NEMP2: variants seen among roughly 807,000 people sequenced by gnomAD.
NEMP2 encodes nuclear envelope integral membrane protein 2, also known as UPF0571 transmembrane protein.
In NEMP2, 53 loss-of-function variants were observed where a neutral mutation model predicts 54.2. The observed-to-expected ratio is 0.98, with a 90% CI of 0.78 to 1.23. NEMP2 has a LOEUF of 1.23. Ranked by LOEUF, NEMP2 falls within the 50% of genes most tolerant of loss-of-function variation. The probability of loss-of-function intolerance (pLI) is 0.00; values close to 1 mark genes in which losing one functional copy is unlikely to be tolerated. For missense variants in NEMP2, 455 were observed against 511.3 expected, an observed-to-expected ratio of 0.89 and a Z score of 1.06; for synonymous variants, 197 against 190.3, an observed-to-expected ratio of 1.04 and a Z score of -0.29.
At chr2:190,535,323 C>T (rs981529330), upstream of NEMP2, among the ~76,000 whole-genome samples, 2 of 152,162 alleles carry the variant, frequency 1.3e-5, no homozygotes, top group African/African-American at 4.8e-5. Context: ...TTTCAGAGTA[C>T]AGAGGGGCTC....
At chr2:190,443,203 G>A in the NEMP2 span, among the ~76,000 whole-genome samples, 1 of 152,134 alleles carries the variant, frequency 6.6e-6, no homozygotes, top group South Asian at 2.1e-4. The surrounding 1 kb of genome is among the most constrained non-coding windows in gnomAD (Gnocchi z 4.2). Flanking sequence ...AAAAATAAAA[G>A]GAACAGGACT....
the NEMP2 span, among the ~76,000 whole-genome samples, chr2:190,601,186 C>G: frequency 6.6e-6 from 1 of 152,108 alleles, no homozygotes; most frequent in Non-Finnish European, 1.5e-5. The surrounding 1 kb of genome is among the most constrained non-coding windows in gnomAD (Gnocchi z 5.8). Context: ...CATTTGGAGA[C>G]AGTCACATAT....
the NEMP2 span, among the ~76,000 whole-genome samples, chr2:190,593,600 A>G: frequency 1.3e-5 from 2 of 152,150 alleles, no homozygotes; most frequent in African/African-American, 4.8e-5. The surrounding 1 kb of genome is among the most constrained non-coding windows in gnomAD (Gnocchi z 4.5). Flanking sequence ...TCATTCCTTT[A>G]TAACCAAATG....
the NEMP2 span, chr2:190,465,082 G>A: frequency 4.7e-6 from 1 of 215,034 alleles, no homozygotes; most frequent in Non-Finnish European, 8.0e-6. The surrounding 1 kb of genome is among the most constrained non-coding windows in gnomAD (Gnocchi z 4.6). Flanking sequence ...CCACAAATCA[G>A]CTTAAACTGC....
chr2:190,434,105 A>G, the NEMP2 span, among the ~76,000 whole-genome samples: 1 of 151,274 alleles, frequency 6.6e-6, no homozygotes, highest in African/African-American at 2.4e-5. The surrounding 1 kb of genome is among the most constrained non-coding windows in gnomAD (Gnocchi z 4.3). Context: ...ATTGCTTGAG[A>G]CTGGGAGGTT....
chr2:190,586,288 A>G, the NEMP2 span, among the ~76,000 whole-genome samples: 3 of 151,964 alleles, frequency 2.0e-5, no homozygotes, highest in Non-Finnish European at 4.4e-5. The surrounding 1 kb of genome is among the most constrained non-coding windows in gnomAD (Gnocchi z 4.5). Flanking sequence ...TTGATACTCA[A>G]TGATGAATGA....
At chr2:190,455,681 A>G in the NEMP2 span, among the ~76,000 whole-genome samples, 7 of 152,220 alleles carry the variant, frequency 4.6e-5, no homozygotes, top group South Asian at 1.4e-3. Context: ...GGAGAACATT[A>G]TAGAATTGTT....
chr2:190,437,078 A>G, the NEMP2 span: 6 of 1,614,216 alleles, frequency 3.7e-6, no homozygotes, highest in Non-Finnish European at 5.1e-6. This position sits in a 1 kb window ranked among gnomAD's most constrained non-coding sequence, Gnocchi z 5.9. Flanking sequence ...GACTACACCC[A>G]CATCGAAGTG....
chr2:190,534,570 G>A lies in NEMP2; in HGVS notation c.86C>T (p.Ala29Val), dbSNP rs1215536715. Reference sequence around the variant, plus strand: ...CGGTCCCGGGTTACCTGATAACGCTGCCGCCGCCGCCTCCCCGCGCACGGG... The same window carrying A: ...CGGTCCCGGGTTACCTGATAACGCTACCGCCGCCGCCTCCCCGCGCACGGG... ...TLPVRGEAAA[A>V]ALSVRRCKAL... The change falls in exon 1 of 9, where the codon GCA becomes GTA. Residue 29 changes from alanine to valine, a missense_variant. Transcript: ENST00000409150. 2.1e-6 allele frequency: 3 copies of A among 1,398,812 alleles called. No individual in the cohort carries two copies. Among genetic ancestry groups the A allele is most frequent in the African/African-American group, 3.0e-5 (2 of 66,284 alleles). 86.7% of individuals were successfully genotyped at this position (1,398,812 alleles called of 1,614,324 possible). A position where few individuals can be genotyped will look rare whatever the true frequency, so the allele number is the denominator to read the frequency against.
At chr2:190,553,813 A>T in the NEMP2 span, among the ~76,000 whole-genome samples, 2 of 152,036 alleles carry the variant, frequency 1.3e-5, no homozygotes, top group African/African-American at 4.8e-5. Context: ...ATCTCCATGG[A>T]CTCTTTTATT....
the NEMP2 span, among the ~76,000 whole-genome samples, chr2:190,582,550 A>G: frequency 6.6e-6 from 1 of 152,208 alleles, no homozygotes; most frequent in African/African-American, 2.4e-5. The surrounding 1 kb of genome is among the most constrained non-coding windows in gnomAD (Gnocchi z 4.6). Flanking sequence ...AAAATCATTT[A>G]TCTCTTTTTT....
chr2:190,496,726 C>T, the NEMP2 span, among the ~76,000 whole-genome samples: 1 of 152,014 alleles, frequency 6.6e-6, no homozygotes, highest in Non-Finnish European at 1.5e-5. This position sits in a 1 kb window ranked among gnomAD's most constrained non-coding sequence, Gnocchi z 4.7. Context: ...GAATACTACT[C>T]AGCCATAAAA....
Position 190,525,118 on chromosome 2 carries a change from G to A in NEMP2, c.213+145C>T, listed in dbSNP as rs1690886948. The stretch of plus-strand genomic sequence containing the variant: ...CACTGCTCACCCATTGAACCACTGT[G>A]TGTGATCCTCAAGTCAGCTTTCATA... On this transcript the variant is annotated intron_variant, in intron 2 of 8. Coordinates refer to ENST00000409150, the MANE Select transcript of NEMP2 (RefSeq NM_001142645.2). This position sits in a 1 kb window ranked among gnomAD's most constrained non-coding sequence, Gnocchi z 5.0. 1.8e-6 allele frequency: 1 copy of A among 550,002 alleles called. No individual in the cohort carries two copies. 34.1% of individuals were successfully genotyped at this position (550,002 alleles called of 1,614,324 possible). A position where few individuals can be genotyped will look rare whatever the true frequency, so the allele number is the denominator to read the frequency against.
At chr2:190,458,910 C>A in the NEMP2 span, among the ~76,000 whole-genome samples, 1 of 152,180 alleles carries the variant, frequency 6.6e-6, no homozygotes, top group Non-Finnish European at 1.5e-5. The surrounding 1 kb of genome is among the most constrained non-coding windows in gnomAD (Gnocchi z 5.3). Flanking sequence ...CCAGGCAGCT[C>A]TAGGATCAAG....
At chr2:190,645,506 T>C in the NEMP2 span, among the ~76,000 whole-genome samples, 1 of 152,244 alleles carries the variant, frequency 6.6e-6, no homozygotes, top group Non-Finnish European at 1.5e-5. Context: ...TCACATATTT[T>C]AGACACTTCT....
At chr2:190,453,851 GAGAA>G in the NEMP2 span, among the ~76,000 whole-genome samples, 1 of 152,164 alleles carries the variant, frequency 6.6e-6, no homozygotes, top group African/African-American at 2.4e-5. Context: ...AATGTAAACT[GAGAA>G]AGAAAACAAG....
At chr2:190,476,461 C>A in the NEMP2 span, among the ~76,000 whole-genome samples, 3 of 152,166 alleles carry the variant, frequency 2.0e-5, no homozygotes, top group East Asian at 3.9e-4. Context: ...AAATGCTCAT[C>A]ATCACTGGCC....
chr2:190,511,008 A>T (rs183445025), intron 7 of NEMP2, among the ~76,000 whole-genome samples: 1 of 152,280 alleles, frequency 6.6e-6, no homozygotes, highest in Non-Finnish European at 1.5e-5. Flanking sequence ...TATAGAGAAC[A>T]TGTAGTTTGG....
chr2:190,633,704 G>A, the NEMP2 span, among the ~76,000 whole-genome samples: 4 of 152,156 alleles, frequency 2.6e-5, no homozygotes, highest in Non-Finnish European at 4.4e-5. Context: ...AAAAACACAT[G>A]TGTGTACCTA....
Sources: gnomAD v4.1 joint callset for allele counts (sites outside exome capture counted in the v4.1 genomes callset) on GRCh38, gnomAD v4.1.1 for gene constraint, Gnocchi (gnomAD v3.1) non-coding constraint, MANE v1.5 for transcripts, NCBI Gene and HGNC (gene_info 2026-07-23, HGNC 2026-07-21) for gene names.